The following PCDH15 variants were observed in gnomAD, a reference collection of about 807,000 sequenced individuals.
PCDH15 encodes protocadherin-15.
A neutral mutation model predicts 178.5 loss-of-function variants in PCDH15; 129 were observed. The ratio of observed to expected loss-of-function variants is 0.72; its 90% confidence interval spans 0.63 to 0.84. The LOEUF is 0.84. PCDH15 is among the 40% of genes least tolerant of loss of function. The pLI, the probability that PCDH15 is intolerant of heterozygous loss-of-function variation, is 0.00. For missense variants in PCDH15, 2,230 were observed against 2,099.9 expected, an observed-to-expected ratio of 1.06 and a Z score of -1.21; for synonymous variants, 800 against 732.0, an observed-to-expected ratio of 1.09 and a Z score of -1.50.
chr10:54,564,597 C>T (rs1025343232), intron 2 of PCDH15, among the ~76,000 whole-genome samples: 2 of 152,010 alleles, frequency 1.3e-5, no homozygotes, highest in Admixed American at 6.6e-5. Context: ...AATGATGTGA[C>T]TCCTGGTGTG....
chr10:54,679,189 C>CA (rs10709982), intron 1 of PCDH15, among the ~76,000 whole-genome samples: 11,176 of 70,880 alleles, frequency 0.16, 1,071 homozygotes, highest in East Asian at 0.25. Context: ...GACTCCGTCT[C>CA]AAAAAAAAAA....
chr10:55,292,941 T>TA (rs201199555), intron 1 of PCDH15, among the ~76,000 whole-genome samples: 3,928 of 152,296 alleles, frequency 0.026, 166 homozygotes, highest in African/African-American at 0.088. Flanking sequence ...ATAGCTCCAC[T>TA]GGCAGTGCCC....
At chr10:54,078,866 C>T (rs1481260352) in intron 17 of PCDH15, among the ~76,000 whole-genome samples, 1 of 151,958 alleles carries the variant, frequency 6.6e-6, no homozygotes, top group African/African-American at 2.4e-5. Context: ...ATGATTCTTA[C>T]TGCTACTTAC....
intron 8 of PCDH15, among the ~76,000 whole-genome samples, chr10:54,263,967 G>A (rs981969540): frequency 1.3e-5 from 2 of 152,120 alleles, no homozygotes; most frequent in Admixed American, 1.3e-4. Flanking sequence ...GAGTCTCCTG[G>A]CTTTCATCTT....
intron 2 of PCDH15, among the ~76,000 whole-genome samples, chr10:55,599,000 A>G (rs1048263867): frequency 3.1e-4 from 47 of 152,242 alleles, no homozygotes; most frequent in African/African-American, 1.1e-3. Flanking sequence ...CAAACCATTT[A>G]CCCTCGACAA....
chr10:55,220,807 T>C (rs1346211647), intron 1 of PCDH15, among the ~76,000 whole-genome samples: 1 of 152,060 alleles, frequency 6.6e-6, no homozygotes, highest in Non-Finnish European at 1.5e-5. Flanking sequence ...TATTTGACAC[T>C]TTGTTGTTGT....
At chr10:55,585,365 C>G (rs1170327873) in intron 2 of PCDH15, among the ~76,000 whole-genome samples, 1 of 152,132 alleles carries the variant, frequency 6.6e-6, no homozygotes, top group East Asian at 1.9e-4. Flanking sequence ...ACTTCTGTTA[C>G]AACACTTCAC....
chr10:54,830,412 T>G (rs554010202), intron 3 of PCDH15, among the ~76,000 whole-genome samples: 1 of 152,034 alleles, frequency 6.6e-6, no homozygotes, highest in Non-Finnish European at 1.5e-5. Flanking sequence ...CCATAAAAAA[T>G]GATGAGTTCA....
chr10:55,520,174 C>T (rs1321761919), intron 2 of PCDH15, among the ~76,000 whole-genome samples: 113 of 67,430 alleles, frequency 1.7e-3, no homozygotes, highest in Middle Eastern at 0.015. Context: ...TATATATATA[C>T]ACGCAATGTG....
At position 54,159,841 on chromosome 10, in the gene PCDH15, G is replaced by A. The variant is rs141886320; in HGVS notation, c.1591-6548C>T. Among the ~76,000 whole-genome samples, 106 of 152,210 alleles carry A rather than the reference G, an allele frequency of 7.0e-4. No homozygotes were observed. In the East Asian group the frequency reaches 0.014, roughly 20 times the overall value. ...ATTTCCATCAAGAGAGGACAGACTC[G>A]ATTTCAGGGAAATATTTAAATGAGT... On this transcript the variant is annotated intron_variant, in intron 13 of 37. Coordinates refer to ENST00000644397, the MANE Select transcript of PCDH15 (RefSeq NM_001384140.1).
At chr10:54,876,122 A>G (rs1420278753) in intron 3 of PCDH15, among the ~76,000 whole-genome samples, 3 of 152,062 alleles carry the variant, frequency 2.0e-5, no homozygotes, top group Non-Finnish European at 4.4e-5. Context: ...GCCCTTAAAA[A>G]CTGGTTAAAT....
intron 2 of PCDH15, among the ~76,000 whole-genome samples, chr10:55,029,317 C>CAT (rs889446096): frequency 5.9e-5 from 9 of 151,878 alleles, no homozygotes; most frequent in Middle Eastern, 3.4e-3. Context: ...GTATAATATA[C>CAT]ATATATATAT....
chr10:53,831,258 G>A, intron 30 of PCDH15, 57 bp downstream of exon 30: 2 of 1,498,284 alleles, frequency 1.3e-6, no homozygotes. Flanking sequence ...TACCAGAGAT[G>A]GTTTTCTGCA....
chr10:53,969,144 A>C (rs2089382367), intron 21 of PCDH15, among the ~76,000 whole-genome samples: 1 of 152,196 alleles, frequency 6.6e-6, no homozygotes, highest in Non-Finnish European at 1.5e-5. Flanking sequence ...TAGAATAAAC[A>C]GTGTAGAGAA....
intron 15 of PCDH15, among the ~76,000 whole-genome samples, chr10:54,128,006 A>T (rs1238266147): frequency 6.6e-6 from 1 of 152,174 alleles, no homozygotes; most frequent in Non-Finnish European, 1.5e-5. Flanking sequence ...AATCTCACAC[A>T]TGTTCTTGTC....
chr10:54,175,369 T>A (rs2133693961), intron 13 of PCDH15, among the ~76,000 whole-genome samples: 1 of 152,306 alleles, frequency 6.6e-6, no homozygotes, highest in Non-Finnish European at 1.5e-5. Context: ...TAATTTTATA[T>A]GTTATGTACG....
intron 3 of PCDH15, among the ~76,000 whole-genome samples, chr10:54,486,668 T>A (rs543883030): frequency 2.0e-5 from 3 of 152,070 alleles, no homozygotes; most frequent in Non-Finnish European, 4.4e-5. Flanking sequence ...AGTAAAAATC[T>A]TGATTTTTTT....
At chr10:55,258,475 T>G (rs1240829802) in intron 1 of PCDH15, among the ~76,000 whole-genome samples, 1 of 152,118 alleles carries the variant, frequency 6.6e-6, no homozygotes, top group East Asian at 1.9e-4. Context: ...GTACTTTTCT[T>G]TCTTTCTTTC....
intron 1 of PCDH15, among the ~76,000 whole-genome samples, chr10:55,252,860 C>T (rs1392275935): frequency 2.0e-5 from 3 of 151,856 alleles, no homozygotes; most frequent in Admixed American, 6.6e-5. Flanking sequence ...ACTAAAGAAA[C>T]CTGTAAAATA....
Sources: allele counts gnomAD v4.1 joint callset (sites outside exome capture counted in the v4.1 genomes callset), GRCh38; gene constraint gnomAD v4.1.1; transcripts MANE v1.5; gene names NCBI Gene and HGNC (gene_info 2026-07-23, HGNC 2026-07-21).